LAX1: variants seen among roughly 807,000 people sequenced by gnomAD.
LAX1 encodes the protein lymphocyte transmembrane adapter 1.
In LAX1, 17 loss-of-function variants were observed where a neutral mutation model predicts 20.7. The observed-to-expected ratio is 0.82, with a 90% CI of 0.56 to 1.23. LAX1 has a LOEUF of 1.23. LAX1 is among the 50% of genes most tolerant of loss of function. LAX1 has a pLI of 0.00. For synonymous variants in LAX1, 165 were observed against 181.0 expected (o/e 0.91, Z 0.71); for missense variants, 470 against 487.0 (o/e 0.97, Z 0.33).
At position 203,771,494 on chromosome 1, in the gene LAX1, A is replaced by G; in HGVS notation, c.310+17A>G. On this transcript the variant is annotated intron_variant, in intron 3 of 4. Coordinates refer to ENST00000442561, the MANE Select transcript of LAX1 (RefSeq NM_017773.4). ...AAGACCTGGGTAGGTTTTTCCTTCTAATCTATGGAGTCCAGATATTCGAAC... is the reference window on the plus strand; with the variant it reads ...AAGACCTGGGTAGGTTTTTCCTTCTGATCTATGGAGTCCAGATATTCGAAC... 1 of 1,419,474 alleles carries G rather than the reference A, an allele frequency of 7.0e-7. No individual in the cohort carries two copies. Among genetic ancestry groups the G allele is most frequent in the Non-Finnish European group, 1.0e-6 (1 of 1,002,468 alleles). 87.9% of individuals were successfully genotyped at this position (1,419,474 alleles called of 1,614,324 possible).
chr1:203,772,010 T>C (rs1270262608), intron 3 of LAX1, 58 bp from the exon 4 acceptor site: 1 of 1,344,796 alleles, frequency 7.4e-7, no homozygotes, highest in African/African-American at 1.4e-5. Flanking sequence ...CAGGGATTAT[T>C]TGGACTGAAG....
intron 1 of LAX1, 139 bp downstream of exon 1, chr1:203,765,793 G>A (rs1667294790): frequency 1.3e-6 from 1 of 772,044 alleles, no homozygotes; most frequent in African/African-American, 1.7e-5. Flanking sequence ...CAAACTCTAG[G>A]CTTGGAGGCA....
chr1:203,765,431 C>T lies in LAX1; in HGVS notation c.-135C>T, dbSNP rs571407998. On this transcript the variant is annotated 5_prime_UTR_variant, in exon 1 of 5. In the 5' UTR this introduces an upstream ATG that the reference lacks. Coordinates refer to ENST00000442561, the MANE Select transcript of LAX1 (RefSeq NM_017773.4). ...TGTATGTTGGGTCAACTTGGCCTGACGTTTCAGAGGTAGACACGAGATAGG... is the reference window on the plus strand; with the variant it reads ...TGTATGTTGGGTCAACTTGGCCTGATGTTTCAGAGGTAGACACGAGATAGG... The T allele has an allele frequency of 6.9e-5, 107 of 1,553,294 alleles. 1 individual carries two copies. In the South Asian group the frequency reaches 9.4e-4, roughly 14 times the overall value.
chr1:203,770,326 G>A (rs1257078911), intron 1 of LAX1, among the ~76,000 whole-genome samples: 1 of 149,782 alleles, frequency 6.7e-6, no homozygotes, highest in African/African-American at 2.4e-5. Flanking sequence ...TGAGGCAGGA[G>A]AATGGCTTGA....
chr1:203,770,457 G>GAGAGAGAGAGA lies in LAX1; in HGVS notation c.90-371_90-370insAGAGAGAGAGA, dbSNP rs55910139. 8.6e-4 allele frequency among the ~76,000 whole-genome samples: 25 copies of GAGAGAGAGAGA among 28,940 alleles called. 3 individuals carry two copies. Among genetic ancestry groups the GAGAGAGAGAGA allele is most frequent in the Non-Finnish European group, 1.5e-3 (19 of 12,844 alleles). The allele number at this position is 28,940 out of a possible 152,430, so 19.0% of individuals were successfully genotyped here. A position where few individuals can be genotyped will look rare whatever the true frequency, so the allele number is the denominator to read the frequency against. ...AAAGAGAGAGAGAGAGAGAGAGAAA[G>GAGAGAGAGAGA]GAAGGAAGGAAGGAAGGAAGGAAGG... is the stretch of plus-strand genomic sequence containing the variant. On this transcript the variant is annotated intron_variant, in intron 1 of 4. Coordinates refer to ENST00000442561, the MANE Select transcript of LAX1 (RefSeq NM_017773.4).
In LAX1 at chr1:203,765,459, GTTT is replaced by G. The variant is rs1667289167; in HGVS notation, c.-106_-104del. The G allele has an allele frequency of 6.4e-7, 1 of 1,563,120 alleles. No homozygotes were observed. Among genetic ancestry groups the G allele is most frequent in the Non-Finnish European group, 8.7e-7 (1 of 1,151,980 alleles). ...TTCAGAGGTAGACACGAGATAGGGA[GTTT>G]GTTGCGGGGGTGGGGAGAAGTGGTA... On this transcript the variant is annotated 5_prime_UTR_variant, in exon 1 of 5. Transcript: ENST00000442561.
chr1:203,765,854 A>T (rs1166802478), intron 1 of LAX1, among the ~76,000 whole-genome samples, 200 bp downstream of exon 1: 2 of 152,134 alleles, frequency 1.3e-5, no homozygotes, highest in Admixed American at 6.6e-5. Flanking sequence ...AAGAAAGAAA[A>T]TATTGTGGTA....
chr1:203,770,961 T>C, intron 2 of LAX1, 24 bp downstream of exon 2: 1 of 1,519,332 alleles, frequency 6.6e-7, no homozygotes, highest in Non-Finnish European at 9.1e-7. Flanking sequence ...TTGTCCTGAG[T>C]TGAGACACAG....
intron 1 of LAX1, among the ~76,000 whole-genome samples, 187 bp from the exon 2 acceptor site, chr1:203,770,641 T>C (rs1667405644): frequency 6.6e-6 from 1 of 152,072 alleles, no homozygotes; most frequent in Admixed American, 6.6e-5. Context: ...CCTTCTCCCC[T>C]GTCCAAGTCC....
intron 4 of LAX1, among the ~76,000 whole-genome samples, chr1:203,772,805 A>C (rs1667443916): frequency 6.7e-6 from 1 of 150,044 alleles, no homozygotes; most frequent in Non-Finnish European, 1.5e-5. Flanking sequence ...CCCCCCAAGT[A>C]GCTGGGACCA....
At chr1:203,769,444 G>GAAAGGAA (rs1553254225) in intron 1 of LAX1, among the ~76,000 whole-genome samples, 5,336 of 133,562 alleles carry the variant, frequency 0.04, 194 homozygotes, top group South Asian at 0.058. Context: ...AAAGAAAGAA[G>GAAAGGAA]GAAAGAAAGA....
chr1:203,774,266 C>A lies in LAX1; in HGVS notation c.782C>A (p.Ser261Tyr). Residue 261 changes from serine (S) to tyrosine (Y), a missense_variant, in exon 5 of 5, where the codon TCT (serine) becomes TAT (tyrosine). Physicochemically the swap from Ser to Tyr is moderately radical, Grantham distance 144 (BLOSUM62 -2). Transcript: ENST00000442561. ...GATTCACTCAGCAATGGAGAAGGTT[C>A]TTCTCAGATCTCAAATGACTATGTC... ...DSDSLSNGEG[S>Y]SQISNDYVNM... 1 of 1,614,184 alleles carries A rather than the reference C, an allele frequency of 6.2e-7. No individual in the cohort carries two copies. The highest frequency in any genetic ancestry group is 8.5e-7 in the Non-Finnish European group (1 of 1,180,036).
At position 203,774,214 on chromosome 1, in the gene LAX1, T is replaced by C; in HGVS notation, c.730T>C (p.Leu244=). The C allele has an allele frequency of 6.2e-7, 1 of 1,614,130 alleles. No individual in the cohort carries two copies. Among genetic ancestry groups the C allele is most frequent in the South Asian group, 1.1e-5 (1 of 91,078 alleles). Residue 244 remains leucine, a synonymous_variant, in exon 5 of 5, where the codon TTG becomes CTG. Transcript: ENST00000442561. ...GCGDAGDCTS[L]YSPGAEDSDS... is the part of the protein sequence containing the mutation. ...TGGAGATGCTGGTGACTGCACCAGT[T>C]TGTATTCTCCAGGAGCTGAGGACAG...
At chr1:203,767,155 T>C (rs1389973342) in intron 1 of LAX1, among the ~76,000 whole-genome samples, 2 of 149,976 alleles carry the variant, frequency 1.3e-5, no homozygotes, top group Non-Finnish European at 3.0e-5. Flanking sequence ...CCACCGGGTC[T>C]GGACCATCAA....
At position 203,765,516 on chromosome 1, in the gene LAX1, G is replaced by A. The variant is rs1269916614; in HGVS notation, c.-50G>A. The A allele has an allele frequency of 1.2e-6, 2 of 1,611,312 alleles. No homozygotes were observed. Among genetic ancestry groups the A allele is most frequent in the Non-Finnish European group, 1.7e-6 (2 of 1,178,628 alleles). On this transcript the variant is annotated 5_prime_UTR_variant, in exon 1 of 5. Transcript: ENST00000442561. ...ATGCTGGCTAACTGATTATGATTAA[G>A]AGAAACTTAGAAGCTGAAGCCAGAG...
intron 1 of LAX1, among the ~76,000 whole-genome samples, chr1:203,770,551 A>AAGAAAGAG (rs200642791): frequency 1.4e-5 from 2 of 143,034 alleles, no homozygotes; most frequent in Non-Finnish European, 3.0e-5. Context: ...GAAAGAAAGA[A>AAGAAAGAG]AGAAAGAAAG....
intron 1 of LAX1, among the ~76,000 whole-genome samples, chr1:203,766,886 C>T (rs932732317): frequency 4.6e-5 from 7 of 152,074 alleles, no homozygotes; most frequent in South Asian, 2.1e-4. Flanking sequence ...GACAGAGTCT[C>T]GCTCTGTCGC....
Position 203,774,366 on chromosome 1 carries a change from T to C in LAX1, c.882T>C (p.Tyr294=), listed in dbSNP as rs777321441. The C allele has an allele frequency of 1.9e-6, 3 of 1,614,136 alleles. No homozygotes were observed. Among genetic ancestry groups the C allele is most frequent in the Non-Finnish European group, 1.7e-6 (2 of 1,180,012 alleles). Residue 294 remains tyrosine, a synonymous_variant, in exon 5 of 5, where the codon TAT becomes TAC. Transcript: ENST00000442561. ...LWVAFQCCRD[Y]ENVPAADPSG... ...TGGCTTTTCAGTGCTGCAGAGACTA[T>C]GAAAATGTTCCAGCAGCAGATCCCA...
At chr1:203,771,072 T>C in intron 2 of LAX1, 135 bp downstream of exon 2, 1 of 727,662 alleles carries the variant, frequency 1.4e-6, no homozygotes, top group Non-Finnish European at 2.4e-6. Flanking sequence ...ACATTGGCCA[T>C]TGCCTCACTC....
Sources: allele counts gnomAD v4.1 joint callset (sites outside exome capture counted in the v4.1 genomes callset), GRCh38; gene constraint gnomAD v4.1.1; transcripts MANE v1.5; gene names NCBI Gene and HGNC (gene_info 2026-07-23, HGNC 2026-07-21).